Variants in ANK2 observed in about 807,000 individuals in gnomAD.
ANK2 encodes ankyrin-2.
A neutral mutation model predicts 360.5 loss-of-function variants in ANK2; 83 were observed. The observed-to-expected ratio is 0.23, with a 90% CI of 0.19 to 0.28. The LOEUF is 0.28. ANK2 is among the 10% of genes least tolerant of loss of function. The pLI is 1.00. For synonymous variants in ANK2, 1,740 were observed against 1,759.5 expected (o/e 0.99, Z 0.28); for missense variants, 4,201 against 4,795.7 (o/e 0.88, Z 3.66).
intron 1 of ANK2, among the ~76,000 whole-genome samples, chr4:112,872,450 G>A (rs543316843): frequency 1.3e-5 from 2 of 151,844 alleles, no homozygotes; most frequent in South Asian, 2.1e-4. Context: ...CGATTCTCCC[G>A]CCTCAGCCTC....
Position 113,382,387 on chromosome 4 carries a change from G to C in ANK2, c.*916G>C, listed in dbSNP as rs920450264. The C allele has an allele frequency of 6.5e-6, 1 of 152,818 alleles. No homozygotes were observed. The highest frequency in any genetic ancestry group is 1.5e-5 in the Non-Finnish European group (1 of 68,160). The allele number at this position is 152,818 out of a possible 1,614,324, so 9.5% of individuals were successfully genotyped here. Reference sequence around the variant, plus strand: ...GAATGAACCGATGGGGTATTCAGTTGCTGGCAGCTACATTGTGTGGCATTC... The same window carrying C: ...GAATGAACCGATGGGGTATTCAGTTCCTGGCAGCTACATTGTGTGGCATTC... On this transcript the variant is annotated 3_prime_UTR_variant, in exon 46 of 46. Transcript: ENST00000357077.
At chr4:113,044,907 GA>G (rs958810803), upstream of ANK2, among the ~76,000 whole-genome samples, 3 of 150,148 alleles carry the variant, frequency 2.0e-5, no homozygotes, top group South Asian at 2.1e-4. Context: ...TGTCCAAAAG[GA>G]AAAAAAAATG....
At chr4:112,862,372 A>G (rs187608007) in intron 1 of ANK2, among the ~76,000 whole-genome samples, 1 of 152,330 alleles carries the variant, frequency 6.6e-6, no homozygotes, top group Admixed American at 6.5e-5. Flanking sequence ...TCCCACGAGA[A>G]CAGTTCTAAG....
intron 43 of ANK2, 122 bp downstream of exon 43, chr4:113,369,927 C>T (rs2096668622): frequency 8.3e-7 from 1 of 1,209,434 alleles, no homozygotes; most frequent in Non-Finnish European, 1.2e-6. Flanking sequence ...AATTAATTAA[C>T]CTGGCACATG....
In ANK2 at chr4:113,358,415, A is replaced by G. The variant is rs2095955950; in HGVS notation, c.9797A>G (p.Tyr3266Cys). Residue 3266 changes from tyrosine (Y) to cysteine (C), a missense_variant, in exon 38 of 46, where the codon TAT (tyrosine) becomes TGT (cysteine). Physicochemically the swap from Tyr to Cys is radical, Grantham distance 194. Transcript: ENST00000357077. ...LDFSTLTRSV[Y>C]SDRGDDSPDS... The stretch of plus-strand genomic sequence containing the variant: ...TTTTCCACACTCACCAGGTCTGTTT[A>G]TTCAGATAGGGGTGATGATTCTCCC... 1.9e-6 allele frequency: 3 copies of G among 1,613,958 alleles called. No homozygotes were observed. Among genetic ancestry groups the G allele is most frequent in the Non-Finnish European group, 2.5e-6 (3 of 1,179,972 alleles).
chr4:112,779,212 C>A, the ANK2 span, among the ~76,000 whole-genome samples: 1 of 152,100 alleles, frequency 6.6e-6, no homozygotes, highest in Non-Finnish European at 1.5e-5. Flanking sequence ...CTGGATAATT[C>A]TGCTTTTTAA....
intron 10 of ANK2, among the ~76,000 whole-genome samples, chr4:113,250,414 C>A (rs2045512163): frequency 6.6e-6 from 1 of 152,182 alleles, no homozygotes; most frequent in African/African-American, 2.4e-5. Flanking sequence ...AGCATATTTT[C>A]TTTATGACAT....
At chr4:112,726,963 G>A in the ANK2 span, among the ~76,000 whole-genome samples, 2 of 151,494 alleles carry the variant, frequency 1.3e-5, no homozygotes, top group African/African-American at 2.4e-5. Flanking sequence ...TGGAAAATAC[G>A]TAATAAAATG....
chr4:113,103,923 A>G (rs2093290950), intron 1 of ANK2, among the ~76,000 whole-genome samples: 1 of 152,116 alleles, frequency 6.6e-6, no homozygotes, highest in East Asian at 1.9e-4. Flanking sequence ...ATTAGTTGTG[A>G]TTTTTGTCCC....
intron 1 of ANK2, among the ~76,000 whole-genome samples, chr4:113,119,515 A>G (rs1392078527): frequency 1.3e-5 from 2 of 152,126 alleles, no homozygotes; most frequent in East Asian, 3.9e-4. Context: ...ATAGTTCATG[A>G]AGAAATGAAA....
intron 2 of ANK2, among the ~76,000 whole-genome samples, chr4:112,994,109 T>G (rs2154280436): frequency 6.6e-6 from 1 of 152,350 alleles, no homozygotes; most frequent in South Asian, 2.1e-4. Flanking sequence ...GATGCTGATG[T>G]TTGGATCTGA....
At position 113,149,519 on chromosome 4, in the gene ANK2, G is replaced by A. The variant is rs118018526; in HGVS notation, c.85-24897G>A. Among the ~76,000 whole-genome samples the A allele has an allele frequency of 6.6e-4, 100 of 152,134 alleles. 2 individuals carry two copies. In the East Asian group the frequency reaches 0.017, roughly 26 times the overall value. Reference sequence around the variant, plus strand: ...CAAAAGTGTAATGGAAATTACTCTGGTAAAGCATTTCAAAAAATACAAAAT... The same window carrying A: ...CAAAAGTGTAATGGAAATTACTCTGATAAAGCATTTCAAAAAATACAAAAT... On this transcript the variant is annotated intron_variant, in intron 1 of 45. Transcript: ENST00000357077.
intron 5 of ANK2, 89 bp from the exon 6 acceptor site, chr4:113,236,898 T>A: frequency 1.5e-6 from 2 of 1,301,038 alleles, no homozygotes; most frequent in Non-Finnish European, 2.2e-6. Flanking sequence ...TCAATCTTGA[T>A]CATTAAAGAT....
intron 1 of ANK2, among the ~76,000 whole-genome samples, chr4:112,887,200 T>C (rs747652690): frequency 6.6e-6 from 1 of 152,270 alleles, no homozygotes; most frequent in South Asian, 2.1e-4. Context: ...TAGTTACTGA[T>C]GTATTTAGCC....
At chr4:113,268,954 T>C (rs2057369933) in intron 14 of ANK2, among the ~76,000 whole-genome samples, 1 of 152,212 alleles carries the variant, frequency 6.6e-6, no homozygotes, top group South Asian at 2.1e-4. Flanking sequence ...GGATTCGACT[T>C]CTGCCTGGTT....
intron 2 of ANK2, among the ~76,000 whole-genome samples, chr4:112,997,548 G>A (rs574225199): frequency 2.0e-5 from 3 of 152,108 alleles, no homozygotes; most frequent in East Asian, 1.9e-4. Flanking sequence ...TTTACTCCTT[G>A]TAGCTCATTT....
intron 2 of ANK2, among the ~76,000 whole-genome samples, chr4:113,176,750 G>C (rs898016178): frequency 3.9e-5 from 6 of 152,016 alleles, no homozygotes; most frequent in African/African-American, 1.4e-4. Flanking sequence ...AATTACATTA[G>C]GTGTATCTCC....
chr4:113,161,163 A>G (rs778963976), intron 1 of ANK2, among the ~76,000 whole-genome samples: 1 of 152,186 alleles, frequency 6.6e-6, no homozygotes, highest in Non-Finnish European at 1.5e-5. Flanking sequence ...ACTTTTCAAA[A>G]TTCGCTCTAG....
chr4:112,723,820 T>C, the ANK2 span, among the ~76,000 whole-genome samples: 1 of 152,300 alleles, frequency 6.6e-6, no homozygotes, highest in African/African-American at 2.4e-5. Context: ...CAAACAAATA[T>C]GGTTCTTGAC....
Sources: gnomAD v4.1 joint callset for allele counts (sites outside exome capture counted in the v4.1 genomes callset) on GRCh38, gnomAD v4.1.1 for gene constraint, MANE v1.5 for transcripts, NCBI Gene and HGNC (gene_info 2026-07-23, HGNC 2026-07-21) for gene names.